Variants in CATSPERE observed in about 807,000 individuals in gnomAD.
CATSPERE encodes the protein cation channel sperm-associated auxiliary subunit epsilon.
CATSPERE carries 93 observed loss-of-function variants against 114.1 expected under a neutral mutation model. The ratio of observed to expected loss-of-function variants is 0.81; its 90% CI spans 0.69 to 0.97. The LOEUF (loss-of-function observed/expected upper bound fraction) is 0.97, where lower values mean the gene tolerates loss of function less well. Among genes scored for constraint, CATSPERE ranks in the 50% least tolerant of loss-of-function variants. The pLI is 0.00. For missense variants in CATSPERE, 1,058 were observed against 1,131.6 expected (o/e 0.93, Z 0.93); for synonymous variants, 341 against 384.1 (o/e 0.89, Z 1.31).
intron 11 of CATSPERE, among the ~76,000 whole-genome samples, chr1:244,576,982 C>A (rs1416197616): frequency 1.3e-5 from 2 of 151,996 alleles, no homozygotes; most frequent in Admixed American, 1.3e-4. Context: ...AAAATAGGTC[C>A]ATTTATTATA....
chr1:244,476,605 G>T (rs1479078003), intron 2 of CATSPERE, among the ~76,000 whole-genome samples: 1 of 152,022 alleles, frequency 6.6e-6, no homozygotes, highest in African/African-American at 2.4e-5. Context: ...CATTTTCCGA[G>T]TTAAAACACC....
intron 2 of CATSPERE, among the ~76,000 whole-genome samples, chr1:244,476,435 A>AT (rs1241123150): frequency 6.6e-6 from 1 of 152,048 alleles, no homozygotes; most frequent in Non-Finnish European, 1.5e-5. Context: ...CTACCACTAT[A>AT]TTTATGGCTT....
At chr1:244,466,319 G>A (rs965757997) in intron 2 of CATSPERE, among the ~76,000 whole-genome samples, 4 of 152,106 alleles carry the variant, frequency 2.6e-5, no homozygotes, top group African/African-American at 9.7e-5. Context: ...TTTTGAGCAG[G>A]AAAAATTTTC....
intron 2 of CATSPERE, among the ~76,000 whole-genome samples, chr1:244,472,879 T>C (rs1668717835): frequency 6.6e-6 from 1 of 151,522 alleles, no homozygotes; most frequent in East Asian, 2.0e-4. Context: ...TCAAACAGTA[T>C]GTAGCCTTTT....
At chr1:244,584,098 A>G (rs1666666144) in intron 13 of CATSPERE, among the ~76,000 whole-genome samples, 159 bp downstream of exon 13, 1 of 152,138 alleles carries the variant, frequency 6.6e-6, no homozygotes, top group South Asian at 2.1e-4. Context: ...CAAGTTCCAT[A>G]TTTATTCTGC....
chr1:244,592,848 A>C (rs1195387479), intron 15 of CATSPERE, among the ~76,000 whole-genome samples: 1 of 152,212 alleles, frequency 6.6e-6, no homozygotes, highest in Non-Finnish European at 1.5e-5. Context: ...GGTAACATAC[A>C]TGGAACATAT....
intron 2 of CATSPERE, among the ~76,000 whole-genome samples, chr1:244,475,952 T>C (rs77078778): frequency 6.6e-6 from 1 of 152,216 alleles, no homozygotes; most frequent in South Asian, 2.1e-4. Context: ...TTTGTTTTTT[T>C]AAAGACTCCA....
Position 244,489,450 on chromosome 1 carries a change from A to ATTTTT in CATSPERE, c.327-970_327-966dup, listed in dbSNP as rs10524749. 5.1e-3 allele frequency among the ~76,000 whole-genome samples: 436 copies of ATTTTT among 85,544 alleles called. 38 individuals are homozygous for ATTTTT. Among genetic ancestry groups the ATTTTT allele is most frequent in the African/African-American group, 0.015 (323 of 22,110 alleles). The allele number at this position is 85,544 out of a possible 152,430, so 56.1% of individuals were successfully genotyped here. A position where few individuals can be genotyped will look rare whatever the true frequency, so the allele number is the denominator to read the frequency against. ...CTTGCAGTATTAAGGAAGCATGCAGATTTTTTTTTTTTTTTTTTTTTTTTT... is the reference window on the plus strand; with the variant it reads ...CTTGCAGTATTAAGGAAGCATGCAGATTTTTTTTTTTTTTTTTTTTTTTTTTTTTT... On this transcript the variant is annotated intron_variant, in intron 5 of 21. Transcript: ENST00000366534.
At chr1:244,591,886 A>G (rs1263832864) in intron 15 of CATSPERE, among the ~76,000 whole-genome samples, 155 bp downstream of exon 15, 3 of 152,152 alleles carry the variant, frequency 2.0e-5, no homozygotes, top group East Asian at 1.9e-4. Flanking sequence ...TGTAGATGGT[A>G]TAATTAACTT....
At chr1:244,632,201 C>A (rs1455162628) in intron 20 of CATSPERE, among the ~76,000 whole-genome samples, 1 of 152,070 alleles carries the variant, frequency 6.6e-6, no homozygotes, top group East Asian at 1.9e-4. Context: ...TGAGACCATC[C>A]TGGCCAACAT....
chr1:244,514,967 G>A (rs1456884268), intron 7 of CATSPERE, among the ~76,000 whole-genome samples: 1 of 152,062 alleles, frequency 6.6e-6, no homozygotes, highest in African/African-American at 2.4e-5. Flanking sequence ...ATTCCCATTG[G>A]GAAAAAGCTG....
intron 20 of CATSPERE, among the ~76,000 whole-genome samples, chr1:244,632,607 A>G (rs953446120): frequency 6.6e-6 from 1 of 151,966 alleles, no homozygotes; most frequent in Non-Finnish European, 1.5e-5. Context: ...AAAATGTGAT[A>G]AATTAATGAT....
upstream of CATSPERE, among the ~76,000 whole-genome samples, chr1:244,453,442 T>C (rs1475696798): frequency 6.6e-6 from 1 of 152,248 alleles, no homozygotes; most frequent in East Asian, 1.9e-4. Flanking sequence ...GCCATTTGCC[T>C]GTCTTGATGA....
chr1:244,489,597 G>C (rs966405005), intron 5 of CATSPERE, among the ~76,000 whole-genome samples: 26 of 151,650 alleles, frequency 1.7e-4, no homozygotes, highest in Admixed American at 2.0e-4. Context: ...GAGGAAGGCG[G>C]CATGGAAACT....
intron 7 of CATSPERE, chr1:244,515,255 A>G: frequency 6.0e-6 from 5 of 829,926 alleles, no homozygotes; most frequent in Non-Finnish European, 7.3e-6. Context: ...GGGACTTTGT[A>G]ACTGTTGTTC....
intron 7 of CATSPERE, among the ~76,000 whole-genome samples, chr1:244,507,735 G>A (rs533539947): frequency 6.6e-6 from 1 of 152,220 alleles, no homozygotes; most frequent in East Asian, 1.9e-4. Flanking sequence ...TTATTGAAGA[G>A]GGCATCCTTT....
intron 9 of CATSPERE, 41 bp from the exon 10 acceptor site, chr1:244,560,627 A>G: frequency 3.3e-6 from 4 of 1,206,584 alleles, no homozygotes; most frequent in Non-Finnish European, 4.4e-6. Context: ...GCCCGTCTCT[A>G]AAATCGAAGA....
chr1:244,577,111 C>G (rs1461424090), intron 11 of CATSPERE, among the ~76,000 whole-genome samples: 1 of 151,814 alleles, frequency 6.6e-6, no homozygotes, highest in Non-Finnish European at 1.5e-5. Flanking sequence ...GCAACTGAAA[C>G]TCTAGAATTT....
At chr1:244,557,573 A>ATATG (rs1313053804) in intron 9 of CATSPERE, among the ~76,000 whole-genome samples, 4 of 92,074 alleles carry the variant, frequency 4.3e-5, no homozygotes, top group Non-Finnish European at 8.1e-5. Context: ...ATATATATAT[A>ATATG]TATATATATA....
Sources: allele counts gnomAD v4.1 joint callset (sites outside exome capture counted in the v4.1 genomes callset), GRCh38; gene constraint gnomAD v4.1.1; transcripts MANE v1.5; gene names NCBI Gene and HGNC (gene_info 2026-07-23, HGNC 2026-07-21).